SUCLG2: variants seen among roughly 807,000 people sequenced by gnomAD.
The protein encoded by SUCLG2 is succinate--CoA ligase [GDP-forming] subunit beta, mitochondrial.
In SUCLG2, 42 loss-of-function variants were observed where a neutral mutation model predicts 47.9. The observed-to-expected ratio is 0.88, with a 90% CI of 0.69 to 1.14. SUCLG2 has a LOEUF of 1.14. Among genes scored for constraint, SUCLG2 ranks in the 50% most tolerant of loss-of-function variants. The probability of loss-of-function intolerance (pLI) is 0.00; values close to 1 mark genes in which losing one functional copy is unlikely to be tolerated. For missense variants in SUCLG2, 571 were observed against 525.9 expected (o/e 1.09, Z -0.84); for synonymous variants, 195 against 197.3 (o/e 0.99, Z 0.10).
intron 2 of SUCLG2, among the ~76,000 whole-genome samples, chr3:67,580,511 C>A (rs1011191588): frequency 6.6e-6 from 1 of 152,048 alleles, no homozygotes; most frequent in African/African-American, 2.4e-5. Flanking sequence ...AAGTGGCTAC[C>A]TTTATTCTTT....
downstream of SUCLG2, among the ~76,000 whole-genome samples, chr3:67,370,966 C>A (rs1193883671): frequency 1.3e-5 from 2 of 152,030 alleles, no homozygotes; most frequent in African/African-American, 2.4e-5. Context: ...TTGCTCAGGG[C>A]AACTAGTTAT....
At chr3:67,547,040 C>A (rs1299539902) in intron 2 of SUCLG2, among the ~76,000 whole-genome samples, 2 of 152,208 alleles carry the variant, frequency 1.3e-5, no homozygotes, top group Non-Finnish European at 2.9e-5. Context: ...CTGCTATGGT[C>A]TGAATGTTTG....
At chr3:67,452,410 T>C (rs1387774250) in intron 9 of SUCLG2, among the ~76,000 whole-genome samples, 1 of 152,216 alleles carries the variant, frequency 6.6e-6, no homozygotes. Context: ...ACGAGACTGG[T>C]TTGTAATTAG....
chr3:67,392,735 T>C (rs143202161), intron 10 of SUCLG2, among the ~76,000 whole-genome samples: 1 of 152,086 alleles, frequency 6.6e-6, no homozygotes, highest in Non-Finnish European at 1.5e-5. Flanking sequence ...TTTGTACTCA[T>C]AGGTTGAAAG....
At chr3:67,370,541 T>C (rs1701939002), downstream of SUCLG2, among the ~76,000 whole-genome samples, 1 of 152,148 alleles carries the variant, frequency 6.6e-6, no homozygotes, top group South Asian at 2.1e-4. Flanking sequence ...AATCCCCCCT[T>C]ACCTGCAGGG....
chr3:67,654,299 G>A (rs758581953), intron 1 of SUCLG2, among the ~76,000 whole-genome samples: 4 of 152,202 alleles, frequency 2.6e-5, no homozygotes, highest in Non-Finnish European at 4.4e-5. Flanking sequence ...CGAGGCACCC[G>A]GGGCTGCCGC....
intron 10 of SUCLG2, among the ~76,000 whole-genome samples, chr3:67,396,600 G>A (rs1469749613): frequency 6.6e-6 from 1 of 152,080 alleles, no homozygotes; most frequent in Non-Finnish European, 1.5e-5. Context: ...GGTACAAGGA[G>A]GAACTGGTAC....
intron 2 of SUCLG2, among the ~76,000 whole-genome samples, chr3:67,584,753 T>C (rs930995175): frequency 2.0e-5 from 3 of 152,136 alleles, no homozygotes; most frequent in African/African-American, 4.8e-5. Flanking sequence ...ACAATCATGG[T>C]AGAAGAAGAA....
chr3:67,425,464 T>C (rs1406532367), intron 9 of SUCLG2, among the ~76,000 whole-genome samples: 2 of 152,038 alleles, frequency 1.3e-5, no homozygotes, highest in African/African-American at 4.8e-5. Context: ...GAATAGAGAA[T>C]ACCCACCCTC....
chr3:67,582,344 C>A (rs1443635772), intron 2 of SUCLG2, among the ~76,000 whole-genome samples: 1 of 152,148 alleles, frequency 6.6e-6, no homozygotes, highest in Non-Finnish European at 1.5e-5. Flanking sequence ...TTAGCTCCCA[C>A]TTATAAGTGA....
chr3:67,608,315 T>C (rs1368281798), intron 2 of SUCLG2, among the ~76,000 whole-genome samples: 3 of 152,146 alleles, frequency 2.0e-5, no homozygotes, highest in African/African-American at 7.2e-5. Flanking sequence ...CTGACAGAAG[T>C]GGGTGAAATA....
intron 9 of SUCLG2, among the ~76,000 whole-genome samples, chr3:67,420,523 C>T (rs1366234816): frequency 6.6e-6 from 1 of 152,194 alleles, no homozygotes; most frequent in South Asian, 2.1e-4. Flanking sequence ...AAATAATAGA[C>T]TATTTTCTTG....
At chr3:67,425,681 C>T (rs1162524567) in intron 9 of SUCLG2, among the ~76,000 whole-genome samples, 3 of 152,190 alleles carry the variant, frequency 2.0e-5, no homozygotes, top group Non-Finnish European at 4.4e-5. Flanking sequence ...ACTATACCAC[C>T]AGCCTTCCTG....
intron 9 of SUCLG2, among the ~76,000 whole-genome samples, chr3:67,478,517 C>T (rs1411434424): frequency 6.6e-6 from 1 of 152,168 alleles, no homozygotes; most frequent in African/African-American, 2.4e-5. Context: ...AAATGGAAAA[C>T]TAATATGCAT....
chr3:67,484,847 G>A (rs1705011153), intron 9 of SUCLG2, among the ~76,000 whole-genome samples: 1 of 152,156 alleles, frequency 6.6e-6, no homozygotes, highest in African/African-American at 2.4e-5. Context: ...GGAGTATGTT[G>A]CTCCTTTACA....
chr3:67,649,609 C>T (rs973062934), intron 1 of SUCLG2, among the ~76,000 whole-genome samples: 2 of 152,222 alleles, frequency 1.3e-5, no homozygotes, highest in African/African-American at 4.8e-5. Flanking sequence ...GTTCTCTCAC[C>T]TCTGCCTCTG....
rs899122850 is a variant in SUCLG2, at chr3:67,412,845, C to T, written c.1063-11994G>A. On this transcript the variant is annotated intron_variant, in intron 9 of 10. Transcript: ENST00000307227. ...TCCATATACTGTGAGATGAGTGTGC[C>T]ATTGTTTCCTTTTAAGACTAACTGA... Among the ~76,000 whole-genome samples the T allele has an allele frequency of 3.9e-5, 6 of 152,012 alleles. No homozygotes were observed. The East Asian group carries it at 1.2e-3, about 29-fold the overall frequency.
chr3:67,399,087 G>A (rs561563571), intron 10 of SUCLG2, among the ~76,000 whole-genome samples: 61 of 150,462 alleles, frequency 4.1e-4, no homozygotes, highest in African/African-American at 1.2e-3. Context: ...CGAGTTAATC[G>A]GTGCAGCACA....
At chr3:67,365,330 G>C (rs998220270) in intron 10 of SUCLG2, among the ~76,000 whole-genome samples, 12 of 152,176 alleles carry the variant, frequency 7.9e-5, no homozygotes, top group African/African-American at 2.9e-4. Flanking sequence ...TCAAGAATAA[G>C]TCTGAGTATG....
Sources: allele counts gnomAD v4.1 joint callset (sites outside exome capture counted in the v4.1 genomes callset), GRCh38; gene constraint gnomAD v4.1.1; transcripts MANE v1.5; gene names NCBI Gene and HGNC (gene_info 2026-07-23, HGNC 2026-07-21).